The following RETREG1 variants were observed in gnomAD, a reference collection of about 807,000 sequenced individuals.
RETREG1 encodes the protein family with sequence similarity 134 member B.
Under a neutral mutation model 54.8 loss-of-function variants are expected in RETREG1, and 44 were observed. That is an observed-to-expected ratio of 0.80 (90% confidence interval 0.63 to 1.03). The LOEUF (loss-of-function observed/expected upper bound fraction) is 1.03. RETREG1 is among the 50% of genes least tolerant of loss of function. The pLI is 0.00. For missense variants in RETREG1, 554 were observed against 605.1 expected (o/e 0.92, Z 0.89); for synonymous variants, 217 against 238.5 (o/e 0.91, Z 0.83).
chr5:16,568,367 G>C (rs1469980984), intron 2 of RETREG1, among the ~76,000 whole-genome samples: 1 of 151,726 alleles, frequency 6.6e-6, no homozygotes. Context: ...TGCCTCCTGG[G>C]TTCAAGTGAT....
At chr5:16,481,160 C>T (rs1207268816) in intron 4 of RETREG1, 67 bp from the exon 5 acceptor site, 2 of 1,125,494 alleles carry the variant, frequency 1.8e-6, no homozygotes, top group Non-Finnish European at 2.7e-6. Flanking sequence ...GCACAGGATA[C>T]ACACACAATT....
intron 3 of RETREG1, among the ~76,000 whole-genome samples, chr5:16,502,812 A>G (rs1484642065): frequency 6.6e-6 from 1 of 152,252 alleles, no homozygotes; most frequent in Non-Finnish European, 1.5e-5. Flanking sequence ...CCCTCAGGCA[A>G]GACTTCATGC....
intron 1 of RETREG1, among the ~76,000 whole-genome samples, chr5:16,588,890 CAAA>C (rs562369696): frequency 5.5e-4 from 84 of 152,302 alleles, no homozygotes; most frequent in African/African-American, 1.9e-3. Context: ...TCCTCAAATA[CAAA>C]ATCTACTGAG....
chr5:16,505,357 T>C (rs1217897955), intron 3 of RETREG1, among the ~76,000 whole-genome samples: 1 of 152,198 alleles, frequency 6.6e-6, no homozygotes, highest in East Asian at 1.9e-4. Flanking sequence ...ACGACCATTT[T>C]AAGTTTCATT....
At chr5:16,572,416 T>C (rs1742201375) in intron 1 of RETREG1, among the ~76,000 whole-genome samples, 1 of 152,112 alleles carries the variant, frequency 6.6e-6, no homozygotes, top group Admixed American at 6.6e-5. Context: ...TTTCGCCATG[T>C]TGGCCAGGCT....
chr5:16,580,631 C>T (rs897528104), intron 1 of RETREG1, among the ~76,000 whole-genome samples: 45 of 152,126 alleles, frequency 3.0e-4, no homozygotes, highest in African/African-American at 1.1e-3. Context: ...AATAGCCACA[C>T]ACAGGCTGTC....
At chr5:16,488,810 C>T (rs779179053) in intron 3 of RETREG1, among the ~76,000 whole-genome samples, 4 of 152,078 alleles carry the variant, frequency 2.6e-5, no homozygotes, top group Non-Finnish European at 4.4e-5. Context: ...TTAGGCCGGG[C>T]GTGGTGGCTC....
chr5:16,511,592 A>C (rs1253901605), intron 3 of RETREG1, among the ~76,000 whole-genome samples: 2 of 152,220 alleles, frequency 1.3e-5, no homozygotes, highest in Non-Finnish European at 2.9e-5. Flanking sequence ...CCCTTTAGGT[A>C]CATTTGTGGT....
chr5:16,553,812 A>G (rs1444596319), intron 3 of RETREG1, among the ~76,000 whole-genome samples: 2 of 152,138 alleles, frequency 1.3e-5, no homozygotes, highest in Non-Finnish European at 2.9e-5. Flanking sequence ...TATATTCAAT[A>G]TGATCACTAA....
At chr5:16,563,851 G>A (rs895855490) in intron 3 of RETREG1, among the ~76,000 whole-genome samples, 1 of 151,954 alleles carries the variant, frequency 6.6e-6, no homozygotes, top group East Asian at 1.9e-4. Context: ...GGTTAATTAA[G>A]ATACTGGAAA....
chr5:16,582,113 A>G (rs1382808665), intron 1 of RETREG1, among the ~76,000 whole-genome samples: 2 of 152,250 alleles, frequency 1.3e-5, no homozygotes, highest in African/African-American at 2.4e-5. Context: ...ATTCTATGCT[A>G]TACATAAATA....
At chr5:16,614,575 A>G (rs1025714054) in intron 1 of RETREG1, among the ~76,000 whole-genome samples, 3 of 152,192 alleles carry the variant, frequency 2.0e-5, no homozygotes, top group Admixed American at 6.5e-5. Context: ...GGGAGTATAA[A>G]TTGTTAGAAC....
intron 1 of RETREG1, among the ~76,000 whole-genome samples, chr5:16,600,883 G>GA (rs906102572): frequency 2.6e-5 from 4 of 151,214 alleles, no homozygotes; most frequent in East Asian, 3.9e-4. Flanking sequence ...CATCTAAAAG[G>GA]AAAAAAAATC....
At chr5:16,571,515 TTTA>T (rs1331618631) in intron 2 of RETREG1, among the ~76,000 whole-genome samples, 61 of 152,276 alleles carry the variant, frequency 4.0e-4, no homozygotes, top group African/African-American at 1.4e-3. Context: ...TTTTTTTTTT[TTTA>T]AACCAAGCTC....
At chr5:16,521,797 G>A (rs1391719869) in intron 3 of RETREG1, among the ~76,000 whole-genome samples, 1 of 152,248 alleles carries the variant, frequency 6.6e-6, no homozygotes, top group Non-Finnish European at 1.5e-5. Flanking sequence ...AAGGATTTCA[G>A]TCCTTAAATA....
intron 3 of RETREG1, among the ~76,000 whole-genome samples, chr5:16,505,199 T>G (rs1579621048): frequency 1.3e-5 from 2 of 152,298 alleles, no homozygotes; most frequent in African/African-American, 4.8e-5. Context: ...TAAATTCCAG[T>G]TGTACGGACT....
intron 3 of RETREG1, among the ~76,000 whole-genome samples, chr5:16,528,574 A>G (rs1740804405): frequency 6.6e-6 from 1 of 152,172 alleles, no homozygotes; most frequent in Non-Finnish European, 1.5e-5. Flanking sequence ...GTCCCAGGTG[A>G]TAGCAGGGGG....
chr5:16,533,600 G>A (rs191742833), intron 3 of RETREG1, among the ~76,000 whole-genome samples: 151 of 152,276 alleles, frequency 9.9e-4, no homozygotes, highest in Admixed American at 2.3e-3. Context: ...ATTATGGTGA[G>A]AATTCACACC....
At chr5:16,608,087 C>T (rs1244761834) in intron 1 of RETREG1, among the ~76,000 whole-genome samples, 1 of 152,070 alleles carries the variant, frequency 6.6e-6, no homozygotes, top group East Asian at 1.9e-4. Context: ...ACCATGTTGG[C>T]CAGGCTGGTC....
Sources: gnomAD v4.1 joint callset for allele counts (sites outside exome capture counted in the v4.1 genomes callset) on GRCh38, gnomAD v4.1.1 for gene constraint, MANE v1.5 for transcripts, NCBI Gene and HGNC (gene_info 2026-07-23, HGNC 2026-07-21) for gene names.